LYPLA1: variants seen among roughly 807,000 people sequenced by gnomAD.
LYPLA1 encodes acyl-protein thioesterase 1.
In LYPLA1, 17 loss-of-function variants were observed where a neutral mutation model predicts 34.0. That is an observed-to-expected ratio of 0.50 (90% CI 0.34 to 0.75). The LOEUF (loss-of-function observed/expected upper bound fraction) is 0.75, where lower values mean the gene tolerates loss of function less well. LYPLA1 is among the 30% of genes least tolerant of loss of function. The pLI is 0.01. For synonymous variants in LYPLA1, 98 were observed against 100.8 expected (o/e 0.97, Z 0.17); for missense variants, 203 against 288.8 (o/e 0.70, Z 2.15).
At chr8:54,064,790 G>C (rs28437156) in intron 3 of LYPLA1, among the ~76,000 whole-genome samples, 4,669 of 152,166 alleles carry the variant, frequency 0.031, 244 homozygotes, top group African/African-American at 0.11. Flanking sequence ...AAGAAGAATT[G>C]TCTTGGGCCA....
rs536143941 is a variant in LYPLA1, at chr8:54,095,750, T to G, written c.101+5158A>C. Among the ~76,000 whole-genome samples the G allele has an allele frequency of 3.0e-5, 4 of 133,230 alleles. No individual in the cohort carries two copies. The South Asian group carries it at 9.3e-4, about 31-fold the overall frequency. The allele number at this position is 133,230 out of a possible 152,430, so 87.4% of individuals were successfully genotyped here. A position where few individuals can be genotyped will look rare whatever the true frequency, so the allele number is the denominator to read the frequency against. ...ATTCTACAAAGTAACTGGCTTACAC[T>G]TTTTTTTTTTTTTTTTGGTAGACAC... On this transcript the variant is annotated intron_variant, in intron 2 of 8. Coordinates refer to ENST00000316963, the MANE Select transcript of LYPLA1 (RefSeq NM_006330.4).
At chr8:54,052,520 T>G (rs1805915774) in intron 7 of LYPLA1, 135 bp downstream of exon 7, 5 of 615,236 alleles carry the variant, frequency 8.1e-6, no homozygotes, top group Admixed American at 8.0e-5. Flanking sequence ...TTCTGCTCAG[T>G]TTTGCTGTGA....
rs186639732 is a variant in LYPLA1, at chr8:54,058,070, C to G, written c.287-2937G>C. Among the ~76,000 whole-genome samples, 30 of 152,240 alleles carry G rather than the reference C, an allele frequency of 2.0e-4. No individual in the cohort carries two copies. The East Asian group carries it at 5.2e-3, about 26-fold the overall frequency. Reference sequence around the variant, plus strand: ...TTTAAAAAATTAATAGTTAATTCTGCTCATATATATTCCATGTTTCTCTCT... The same window carrying G: ...TTTAAAAAATTAATAGTTAATTCTGGTCATATATATTCCATGTTTCTCTCT... On this transcript the variant is annotated intron_variant, in intron 5 of 8. Transcript: ENST00000316963.
intron 2 of LYPLA1, among the ~76,000 whole-genome samples, chr8:54,076,507 A>AG (rs1171333571): frequency 1.3e-5 from 2 of 150,612 alleles, no homozygotes; most frequent in African/African-American, 2.5e-5. Context: ...AAATCAAAGA[A>AG]GGGAGACATG....
At position 54,095,883 on chromosome 8, in the gene LYPLA1, A is replaced by C. The variant is rs554780212; in HGVS notation, c.101+5025T>G. 1.4e-4 allele frequency among the ~76,000 whole-genome samples: 21 copies of C among 152,244 alleles called. No individual in the cohort carries two copies. In the South Asian group the frequency reaches 3.3e-3, roughly 24 times the overall value. ...ACCATACCCGGCCTGTATTCTTGAC[A>C]AAGTGTCAAGGTCATGAAAGACAAG... On this transcript the variant is annotated intron_variant, in intron 2 of 8. Coordinates refer to ENST00000316963, the MANE Select transcript of LYPLA1 (RefSeq NM_006330.4).
At chr8:54,087,968 C>A (rs1326960348) in intron 2 of LYPLA1, among the ~76,000 whole-genome samples, 1 of 152,130 alleles carries the variant, frequency 6.6e-6, no homozygotes, top group Non-Finnish European at 1.5e-5. Flanking sequence ...AACGGGACCT[C>A]ACATTCTGTT....
intron 2 of LYPLA1, among the ~76,000 whole-genome samples, chr8:54,082,269 G>A (rs1230861389): frequency 6.6e-6 from 1 of 152,200 alleles, no homozygotes; most frequent in Non-Finnish European, 1.5e-5. Flanking sequence ...CAGTAAGACA[G>A]AGGACAGGTT....
chr8:54,082,567 C>T (rs189918654), intron 2 of LYPLA1, among the ~76,000 whole-genome samples: 1 of 152,276 alleles, frequency 6.6e-6, no homozygotes, highest in African/African-American at 2.4e-5. Context: ...GATCCTCCTG[C>T]CTTGGCTTTC....
At chr8:54,093,329 G>A (rs1279235279) in intron 2 of LYPLA1, among the ~76,000 whole-genome samples, 1 of 152,186 alleles carries the variant, frequency 6.6e-6, no homozygotes, top group Non-Finnish European at 1.5e-5. Flanking sequence ...TAAGAGTTGA[G>A]ATCACACTTG....
intron 2 of LYPLA1, among the ~76,000 whole-genome samples, chr8:54,076,739 G>A (rs1332289704): frequency 3.3e-5 from 5 of 152,202 alleles, no homozygotes; most frequent in Non-Finnish European, 5.9e-5. Flanking sequence ...ACATGCTCCT[G>A]CTGCAGTTAA....
intron 2 of LYPLA1, among the ~76,000 whole-genome samples, chr8:54,069,490 G>C (rs749538071): frequency 6.6e-6 from 1 of 152,146 alleles, no homozygotes; most frequent in Non-Finnish European, 1.5e-5. Flanking sequence ...AAGGCGGGCA[G>C]ATCCCTTGAG....
At chr8:54,070,256 G>A (rs1447939164) in intron 2 of LYPLA1, among the ~76,000 whole-genome samples, 2 of 151,866 alleles carry the variant, frequency 1.3e-5, no homozygotes, top group Non-Finnish European at 2.9e-5. Context: ...CGGAAGTTGC[G>A]GTGAGCCGAG....
At chr8:54,051,775 T>C (rs1805858714) in intron 7 of LYPLA1, among the ~76,000 whole-genome samples, 2 of 151,932 alleles carry the variant, frequency 1.3e-5, no homozygotes, top group Admixed American at 1.3e-4. Flanking sequence ...AATCCATCTT[T>C]ATATTTTCAG....
chr8:54,067,106 T>C (rs1807121542), intron 2 of LYPLA1, among the ~76,000 whole-genome samples: 1 of 150,268 alleles, frequency 6.7e-6, no homozygotes, highest in Non-Finnish European at 1.5e-5. Context: ...GAGGCAGAGG[T>C]TGCAGTGAGC....
intron 2 of LYPLA1, among the ~76,000 whole-genome samples, chr8:54,067,899 G>A (rs537963787): frequency 2.0e-5 from 3 of 152,006 alleles, no homozygotes; most frequent in Admixed American, 1.3e-4. Context: ...GTGTTAGCCA[G>A]GATGGTCTTG....
intron 2 of LYPLA1, among the ~76,000 whole-genome samples, chr8:54,092,067 G>C (rs966168328): frequency 3.3e-5 from 5 of 151,796 alleles, no homozygotes; most frequent in Non-Finnish European, 5.9e-5. Context: ...GAGAGACCCT[G>C]TCGAAGCAAG....
intron 3 of LYPLA1, among the ~76,000 whole-genome samples, chr8:54,064,141 G>A (rs377212107): frequency 5.3e-5 from 8 of 151,952 alleles, no homozygotes; most frequent in East Asian, 1.9e-4. Flanking sequence ...TGGGCCGGGC[G>A]GGGTGGGTCA....
At chr8:54,063,707 T>G (rs911540132) in intron 3 of LYPLA1, among the ~76,000 whole-genome samples, 1 of 152,190 alleles carries the variant, frequency 6.6e-6, no homozygotes, top group South Asian at 2.1e-4. Flanking sequence ...AACACGAGAT[T>G]CCGGTATAGG....
intron 5 of LYPLA1, among the ~76,000 whole-genome samples, chr8:54,059,233 C>T (rs561328639): frequency 6.6e-6 from 1 of 152,150 alleles, no homozygotes; most frequent in Non-Finnish European, 1.5e-5. Context: ...TTTTAATGAT[C>T]CCATAAGTCA....
Sources: gnomAD v4.1 joint callset for allele counts (sites outside exome capture counted in the v4.1 genomes callset) on GRCh38, gnomAD v4.1.1 for gene constraint, MANE v1.5 for transcripts, NCBI Gene and HGNC (gene_info 2026-07-23, HGNC 2026-07-21) for gene names.